The following NAV1 variants were observed in gnomAD, a reference collection of about 807,000 sequenced individuals.
NAV1 encodes pore membrane and/or filament interacting like protein 3.
A neutral mutation model predicts 175.2 loss-of-function variants in NAV1; 18 were observed. That is an observed-to-expected ratio of 0.10 (90% confidence interval 0.07 to 0.15). NAV1 has a LOEUF of 0.15. Among genes scored for constraint, NAV1 ranks in the 10% least tolerant of loss-of-function variants. NAV1 has a pLI of 1.00. For synonymous variants in NAV1, 897 were observed against 978.7 expected, an observed-to-expected ratio of 0.92 and a Z score of 1.56; for missense variants, 1,731 against 2,436.6, an observed-to-expected ratio of 0.71 and a Z score of 6.10.
chr1:201,631,056 G>T (rs555203960), intron 2 of NAV1, among the ~76,000 whole-genome samples: 3 of 152,184 alleles, frequency 2.0e-5, no homozygotes, highest in Admixed American at 2.0e-4. Context: ...GCTAGATCAC[G>T]GTTGGGTACC....
At chr1:201,686,655 C>CA (rs1670695718) in intron 1 of NAV1, among the ~76,000 whole-genome samples, 1 of 152,214 alleles carries the variant, frequency 6.6e-6, no homozygotes, top group Non-Finnish European at 1.5e-5. Flanking sequence ...TCCCCCACTC[C>CA]AACCCATTTG....
At chr1:201,641,861 G>A (rs1217789680) in intron 2 of NAV1, among the ~76,000 whole-genome samples, 1 of 152,048 alleles carries the variant, frequency 6.6e-6, no homozygotes, top group Non-Finnish European at 1.5e-5. Flanking sequence ...ATGGGCTCAT[G>A]TGCCCCCTTC....
At chr1:201,667,838 A>G (rs1289461711) in intron 1 of NAV1, among the ~76,000 whole-genome samples, 1 of 152,144 alleles carries the variant, frequency 6.6e-6, no homozygotes, top group Non-Finnish European at 1.5e-5. Flanking sequence ...GCTGCTTTCT[A>G]TGGCTGAGGG....
At chr1:201,561,827 G>A (rs1383423649) in intron 1 of NAV1, among the ~76,000 whole-genome samples, 1 of 152,278 alleles carries the variant, frequency 6.6e-6, no homozygotes, top group East Asian at 1.9e-4. Flanking sequence ...CTCCCTGCAG[G>A]CTGGGGCTCT....
chr1:201,689,488 TGAGGCCCCTCCAGAGACTCCTAGG>T (rs1670814477), intron 1 of NAV1, among the ~76,000 whole-genome samples: 1 of 152,222 alleles, frequency 6.6e-6, no homozygotes, highest in Non-Finnish European at 1.5e-5. Flanking sequence ...AGCTTAAAGC[TGAGGCCCCTCCAGAGACTCCTAGG>T]TTCATAAGCA....
At chr1:201,747,454 T>C (rs1673843001) in intron 3 of NAV1, among the ~76,000 whole-genome samples, 1 of 152,214 alleles carries the variant, frequency 6.6e-6, no homozygotes, top group African/African-American at 2.4e-5. Context: ...GAATTGTGGC[T>C]CAAAGGCCCT....
chr1:201,804,903 T>C (rs981138850), intron 17 of NAV1, among the ~76,000 whole-genome samples: 1 of 152,174 alleles, frequency 6.6e-6, no homozygotes, highest in African/African-American at 2.4e-5. Context: ...AAAGTTATAT[T>C]GACCACAGTT....
intron 15 of NAV1, among the ~76,000 whole-genome samples, chr1:201,798,780 G>C (rs1677641240): frequency 8.3e-6 from 1 of 120,302 alleles, no homozygotes; most frequent in South Asian, 2.7e-4. Context: ...TTGGCTCACT[G>C]TAACTTCTGC....
intron 8 of NAV1, 37 bp from the exon 13 acceptor site, chr1:201,786,392 C>G: frequency 6.3e-7 from 1 of 1,592,372 alleles, no homozygotes; most frequent in South Asian, 1.1e-5. Flanking sequence ...ACCGCACTTG[C>G]TAGTCCCAGA....
At chr1:201,737,256 TCC>T (rs1400641508) in intron 3 of NAV1, 1 of 152,170 alleles carries the variant, frequency 6.6e-6, no homozygotes, top group Non-Finnish European at 1.5e-5. Context: ...TCCTGCTCCT[TCC>T]CCTATAAAAG....
upstream of NAV1, chr1:201,648,207 C>T: frequency 2.0e-6 from 2 of 998,834 alleles, no homozygotes; most frequent in Non-Finnish European, 2.4e-6. Context: ...GGCTGGCTGG[C>T]TGGCTGAGTG....
intron 1 of NAV1, among the ~76,000 whole-genome samples, chr1:201,696,992 C>A (rs969819838): frequency 1.4e-4 from 22 of 152,202 alleles, no homozygotes; most frequent in Non-Finnish European, 5.9e-5. Flanking sequence ...TTCTGATGCT[C>A]ACTAAACAAA....
At chr1:201,686,090 C>G (rs960541348) in intron 1 of NAV1, among the ~76,000 whole-genome samples, 2 of 152,198 alleles carry the variant, frequency 1.3e-5, no homozygotes, top group African/African-American at 4.8e-5. Context: ...AGAGAAGAGG[C>G]TGTGGAGAGA....
At chr1:201,771,720 A>AG (rs1455463772) in intron 3 of NAV1, among the ~76,000 whole-genome samples, 1 of 152,192 alleles carries the variant, frequency 6.6e-6, no homozygotes, top group African/African-American at 2.4e-5. Context: ...AATAAGACTG[A>AG]GGGAAAAAAT....
At chr1:201,816,910 G>C (rs1679073771) in intron 28 of NAV1, 178 bp from the exon 33 acceptor site, 1 of 598,658 alleles carries the variant, frequency 1.7e-6, no homozygotes, top group Non-Finnish European at 2.9e-6. Flanking sequence ...CTGACCTCAA[G>C]TGATCTTCCT....
intron 1 of NAV1, among the ~76,000 whole-genome samples, chr1:201,626,222 G>A (rs1668326395): frequency 6.6e-6 from 1 of 152,234 alleles, no homozygotes; most frequent in South Asian, 2.1e-4. Context: ...TCATAGCCAA[G>A]GAGGTGCCAT....
chr1:201,559,904 C>T (rs974184562), intron 1 of NAV1, among the ~76,000 whole-genome samples: 6 of 152,218 alleles, frequency 3.9e-5, no homozygotes, highest in Non-Finnish European at 5.9e-5. Context: ...CAGCTCGCAG[C>T]TCTGCATCTT....
chr1:201,794,425 G>A (rs1170007405), intron 14 of NAV1, 41 bp from the exon 19 acceptor site: 2 of 1,574,094 alleles, frequency 1.3e-6, no homozygotes, highest in Non-Finnish European at 1.7e-6. Context: ...ATAGGTGTGA[G>A]CCACCGTGCC....
At chr1:201,780,393 A>G (rs377093341) in intron 3 of NAV1, 28 bp from the exon 8 acceptor site, 20 of 1,613,252 alleles carry the variant, frequency 1.2e-5, no homozygotes, top group Non-Finnish European at 1.7e-5. Flanking sequence ...TGTTTTAACG[A>G]TTGACCTTCA....
Sources: allele counts gnomAD v4.1 joint callset (sites outside exome capture counted in the v4.1 genomes callset), GRCh38; gene constraint gnomAD v4.1.1; transcripts MANE v1.5; gene names NCBI Gene and HGNC (gene_info 2026-07-23, HGNC 2026-07-21).